PSMA8: variants seen among roughly 807,000 people sequenced by gnomAD.
PSMA8 encodes the protein proteasome subunit alpha-type 8.
Under a neutral mutation model 32.4 loss-of-function variants are expected in PSMA8, and 18 were observed. The observed-to-expected ratio is 0.56, with a 90% CI of 0.38 to 0.82. The LOEUF (loss-of-function observed/expected upper bound fraction) is 0.82, where lower values mean the gene tolerates loss of function less well. Ranked by LOEUF, PSMA8 falls within the 40% of genes least tolerant of loss-of-function variation. The pLI is 0.00. For synonymous variants in PSMA8, 104 were observed against 98.1 expected, an observed-to-expected ratio of 1.06 and a Z score of -0.36; for missense variants, 298 against 300.7, an observed-to-expected ratio of 0.99 and a Z score of 0.07.
intron 6 of PSMA8, among the ~76,000 whole-genome samples, chr18:26,187,060 C>T (rs912198144): frequency 6.6e-6 from 1 of 152,128 alleles, no homozygotes; most frequent in African/African-American, 2.4e-5. Context: ...AAAGGATGGA[C>T]CAGGCTGGGC....
At chr18:26,143,983 A>G (rs1350498237) in intron 1 of PSMA8, among the ~76,000 whole-genome samples, 1 of 152,056 alleles carries the variant, frequency 6.6e-6, no homozygotes, top group Non-Finnish European at 1.5e-5. Flanking sequence ...CAGCCTCCCA[A>G]AGTGCTAGGA....
At chr18:26,149,588 C>T (rs977419064) in intron 2 of PSMA8, among the ~76,000 whole-genome samples, 9 of 152,050 alleles carry the variant, frequency 5.9e-5, no homozygotes, top group African/African-American at 2.2e-4. Context: ...AGACATGTAA[C>T]TAATGGAATT....
intron 4 of PSMA8, among the ~76,000 whole-genome samples, chr18:26,173,062 T>C (rs757271504): frequency 1.4e-4 from 22 of 152,194 alleles, no homozygotes; most frequent in Non-Finnish European, 2.6e-4. Context: ...AGTGTGATTC[T>C]GTTAAAATTT....
intron 2 of PSMA8, among the ~76,000 whole-genome samples, chr18:26,147,445 G>T (rs1022012262): frequency 3.3e-5 from 5 of 152,014 alleles, no homozygotes; most frequent in Admixed American, 2.6e-4. Flanking sequence ...CTTGGGGAAT[G>T]TATTGAAAGT....
chr18:26,138,900 T>TG (rs1219543755), intron 1 of PSMA8, among the ~76,000 whole-genome samples: 1 of 152,150 alleles, frequency 6.6e-6, no homozygotes, highest in Non-Finnish European at 1.5e-5. Flanking sequence ...GCTAAGTAAA[T>TG]GGTACTGCCA....
chr18:26,160,299 T>C (rs1207568304), intron 4 of PSMA8, among the ~76,000 whole-genome samples: 2 of 152,198 alleles, frequency 1.3e-5, no homozygotes, highest in Non-Finnish European at 2.9e-5. Flanking sequence ...AGTGAGACCC[T>C]GTCTCAAAAC....
chr18:26,190,863 A>C (rs1036172306), intron 6 of PSMA8, among the ~76,000 whole-genome samples: 6 of 152,254 alleles, frequency 3.9e-5, no homozygotes, highest in African/African-American at 1.4e-4. Context: ...TTTATATGCC[A>C]GTTTTTTTCC....
chr18:26,175,248 A>C (rs565023050), intron 4 of PSMA8, among the ~76,000 whole-genome samples: 1 of 152,268 alleles, frequency 6.6e-6, no homozygotes, highest in East Asian at 1.9e-4. Flanking sequence ...GTTAGCAGAG[A>C]CCTTGTCCTT....
chr18:26,171,510 G>C (rs1172350184), intron 4 of PSMA8, among the ~76,000 whole-genome samples: 3 of 152,206 alleles, frequency 2.0e-5, no homozygotes, highest in South Asian at 2.1e-4. Context: ...GAAGCGGGTG[G>C]ATCACTTGAA....
intron 4 of PSMA8, among the ~76,000 whole-genome samples, chr18:26,176,334 G>A (rs916099666): frequency 6.6e-6 from 1 of 152,100 alleles, no homozygotes; most frequent in Non-Finnish European, 1.5e-5. Context: ...CTTCCTCTCT[G>A]GGTAGCAACT....
chr18:26,180,695 GACACACACAC>G (rs45627236), intron 6 of PSMA8, among the ~76,000 whole-genome samples: 14 of 143,356 alleles, frequency 9.8e-5, no homozygotes, highest in Admixed American at 2.1e-4. Flanking sequence ...TATAAAAATA[GACACACACAC>G]ACACACACAC....
At position 26,183,218 on chromosome 18, in the gene PSMA8, C is replaced by G. The variant is rs145648033; in HGVS notation, c.660+4088C>G. The stretch of plus-strand genomic sequence containing the variant: ...ACCAGCCTGATCAATATGGTGAAAC[C>G]CTGTCTCTACTGAAAATACAAAAAT... On this transcript the variant is annotated intron_variant, in intron 6 of 6. Coordinates refer to ENST00000415576, the MANE Select transcript of PSMA8 (RefSeq NM_001025096.2). Among the ~76,000 whole-genome samples, 12 of 149,424 alleles carry G rather than the reference C, an allele frequency of 8.0e-5. 1 individual carries two copies. In the East Asian group the frequency reaches 1.4e-3, roughly 18 times the overall value.
At chr18:26,142,839 TA>T (rs1356884961) in intron 1 of PSMA8, among the ~76,000 whole-genome samples, 1 of 152,140 alleles carries the variant, frequency 6.6e-6, no homozygotes, top group Non-Finnish European at 1.5e-5. Flanking sequence ...CATCATGACC[TA>T]ATCACCTCTC....
intron 4 of PSMA8, 63 bp from the exon 5 acceptor site, chr18:26,178,767 C>T (rs1208260918): frequency 2.9e-5 from 43 of 1,475,736 alleles, no homozygotes; most frequent in Non-Finnish European, 3.9e-5. Context: ...CTAAACTTTA[C>T]TTAGTAACCA....
chr18:26,175,676 C>T (rs1174319448), intron 4 of PSMA8, among the ~76,000 whole-genome samples: 1 of 152,204 alleles, frequency 6.6e-6, no homozygotes, highest in Non-Finnish European at 1.5e-5. Flanking sequence ...TCACAGGATG[C>T]ACTTCCGAGG....
chr18:26,179,766 A>C (rs1418447378), intron 6 of PSMA8, among the ~76,000 whole-genome samples: 1 of 152,020 alleles, frequency 6.6e-6, no homozygotes, highest in African/African-American at 2.4e-5. Context: ...AAAATTTGGG[A>C]AACTATATAA....
Position 26,186,903 on chromosome 18 carries a change from G to A in PSMA8, c.661-5416G>A, listed in dbSNP as rs892697660. Among the ~76,000 whole-genome samples, 6 of 152,320 alleles carry A rather than the reference G, an allele frequency of 3.9e-5. No individual in the cohort carries two copies. In the East Asian group the frequency reaches 9.6e-4, roughly 24 times the overall value. On this transcript the variant is annotated intron_variant, in intron 6 of 6. Coordinates refer to ENST00000415576, the MANE Select transcript of PSMA8 (RefSeq NM_001025096.2). ...AATGAATACTACACTGAAAGCCAGA[G>A]GTAAACATTTGGATTAAACTGCCCT...
chr18:26,145,331 T>A (rs1250543505), intron 2 of PSMA8, among the ~76,000 whole-genome samples: 1 of 152,098 alleles, frequency 6.6e-6, no homozygotes, highest in African/African-American at 2.4e-5. Context: ...TTGGTCAGGC[T>A]GGTCTTGAAC....
At position 26,158,119 on chromosome 18, in the gene PSMA8, T is replaced by C. The variant is rs768419552; in HGVS notation, c.355-3T>C. 1.9e-6 allele frequency: 3 copies of C among 1,567,004 alleles called. No individual in the cohort carries two copies. Among genetic ancestry groups the C allele is most frequent in the East Asian group, 4.5e-5 (2 of 44,402 alleles). ...ATTCTAAAAATACGTTTTATTTTTC[T>C]AGAAATATACCCAAAGCAATGGACG... On this transcript the variant is annotated splice_polypyrimidine_tract_variant and splice_region_variant and intron_variant, in intron 3 of 6. Transcript: ENST00000415576.
Sources: gnomAD v4.1 joint callset for allele counts (sites outside exome capture counted in the v4.1 genomes callset) on GRCh38, gnomAD v4.1.1 for gene constraint, MANE v1.5 for transcripts, NCBI Gene and HGNC (gene_info 2026-07-23, HGNC 2026-07-21) for gene names.